The following TTC28 variants were observed in gnomAD, a reference collection of about 807,000 sequenced individuals.
TTC28 encodes tetratricopeptide repeat protein 28.
In TTC28, 61 loss-of-function variants were observed where a neutral mutation model predicts 198.0. The ratio of observed to expected loss-of-function variants is 0.31; its 90% confidence interval spans 0.25 to 0.38. The LOEUF (loss-of-function observed/expected upper bound fraction) is 0.38. Ranked by LOEUF, TTC28 falls within the 10% of genes least tolerant of loss-of-function variation. The probability of loss-of-function intolerance (pLI) is 1.00; values close to 1 mark genes in which losing one functional copy is unlikely to be tolerated. For synonymous variants in TTC28, 1,171 were observed against 1,297.8 expected, an observed-to-expected ratio of 0.90 and a Z score of 2.10; for missense variants, 2,678 against 3,164.0, an observed-to-expected ratio of 0.85 and a Z score of 3.69.
At chr22:28,172,533 T>C (rs2147085486) in intron 5 of TTC28, among the ~76,000 whole-genome samples, 1 of 152,326 alleles carries the variant, frequency 6.6e-6, no homozygotes, top group Middle Eastern at 3.4e-3. Flanking sequence ...TTCTGGTTCT[T>C]CATTTCTCTA....
At chr22:28,424,443 T>C (rs1273462872) in intron 2 of TTC28, among the ~76,000 whole-genome samples, 4 of 152,202 alleles carry the variant, frequency 2.6e-5, no homozygotes, top group Non-Finnish European at 5.9e-5. Flanking sequence ...ATTAGAATAC[T>C]TGGAACATTG....
Position 28,459,607 on chromosome 22 carries a change from A to G in TTC28, c.382-152964T>C, listed in dbSNP as rs560301436. 1.2e-4 allele frequency among the ~76,000 whole-genome samples: 19 copies of G among 152,290 alleles called. 1 individual carries two copies. The highest frequency in any genetic ancestry group is 3.9e-4 in the East Asian group (2 of 5,178). ...AGTTCTTAATTTTCGCAGAAAGCATATATCAGCAGTCTGCTTTCTTTCTTG... is the reference window on the plus strand; with the variant it reads ...AGTTCTTAATTTTCGCAGAAAGCATGTATCAGCAGTCTGCTTTCTTTCTTG... On this transcript the variant is annotated intron_variant, in intron 2 of 22. Transcript: ENST00000397906.
Position 28,107,379 on chromosome 22 carries a change from A to T in TTC28, c.2466T>A (p.Asp822Glu), listed in dbSNP as rs1172264413. 1 of 1,551,652 alleles carries T rather than the reference A, an allele frequency of 6.4e-7. No homozygotes were observed. The highest frequency in any genetic ancestry group is 8.7e-7 in the Non-Finnish European group (1 of 1,147,026). ...MAFKCYEEQL[D>E]LGQKLKDPSL... ...TCGGATCCTTCAGCTTTTGCCCTAG[A>T]TCCAGTTGCTCTTCATAACACTTGA... is the stretch of plus-strand genomic sequence containing the variant. The change falls in exon 7 of 23, where the codon GAT becomes GAA. Residue 822 changes from aspartate to glutamate, a missense_variant. Coordinates refer to ENST00000397906, the MANE Select transcript of TTC28 (RefSeq NM_001145418.2).
At chr22:28,263,439 TAGC>T (rs1239283117) in intron 5 of TTC28, among the ~76,000 whole-genome samples, 3 of 152,060 alleles carry the variant, frequency 2.0e-5, no homozygotes, top group African/African-American at 7.2e-5. Context: ...CAAAAAGGAA[TAGC>T]AGGCAAAAAA....
intron 5 of TTC28, among the ~76,000 whole-genome samples, chr22:28,256,421 C>CA (rs60958364): frequency 0.12 from 8,014 of 65,194 alleles, 308 homozygotes; most frequent in Middle Eastern, 0.2. Flanking sequence ...AACTCCGTCT[C>CA]AAAAAAAAAA....
chr22:28,121,639 A>C (rs1271383539), intron 6 of TTC28, among the ~76,000 whole-genome samples: 1 of 152,234 alleles, frequency 6.6e-6, no homozygotes, highest in African/African-American at 2.4e-5. Context: ...TGTTATGAAA[A>C]TACTAAATTA....
chr22:28,596,469 T>A (rs2050545481), intron 2 of TTC28, among the ~76,000 whole-genome samples: 2 of 152,238 alleles, frequency 1.3e-5, no homozygotes, highest in East Asian at 3.8e-4. Flanking sequence ...TGAATTGCTG[T>A]ATTTGCCTAG....
intron 2 of TTC28, among the ~76,000 whole-genome samples, chr22:28,576,719 A>G (rs2050156650): frequency 1.3e-5 from 2 of 152,080 alleles, no homozygotes; most frequent in South Asian, 4.1e-4. Context: ...TTGGTAGGCT[A>G]TATGTGTCTA....
chr22:28,162,205 C>A lies in TTC28; in HGVS notation c.1441+887G>T, dbSNP rs184167748. Among the ~76,000 whole-genome samples the A allele has an allele frequency of 1.3e-4, 20 of 152,250 alleles. No homozygotes were observed. The East Asian group carries it at 3.1e-3, about 24-fold the overall frequency. On this transcript the variant is annotated intron_variant, in intron 6 of 22. Coordinates refer to ENST00000397906, the MANE Select transcript of TTC28 (RefSeq NM_001145418.2). ...TCTTACCACTACATATAAATTCCCC[C>A]AAATTATGAATGTTTTAATTGTAAC...
intron 2 of TTC28, among the ~76,000 whole-genome samples, chr22:28,471,940 G>A (rs1471285635): frequency 6.6e-6 from 1 of 152,130 alleles, no homozygotes; most frequent in East Asian, 1.9e-4. Context: ...ATATCTTTGA[G>A]TCTCTGGAGT....
intron 2 of TTC28, among the ~76,000 whole-genome samples, chr22:28,384,489 C>G (rs1292004622): frequency 6.6e-6 from 1 of 152,198 alleles, no homozygotes; most frequent in African/African-American, 2.4e-5. Flanking sequence ...TTGTCCCATA[C>G]TAGAACATAA....
At chr22:28,658,992 G>C (rs1299266412) in intron 1 of TTC28, among the ~76,000 whole-genome samples, 18 of 151,908 alleles carry the variant, frequency 1.2e-4, no homozygotes, top group Non-Finnish European at 2.1e-4. Flanking sequence ...GTGAGATTCT[G>C]TCTCAAAAAA....
At chr22:28,228,906 C>T (rs914105918) in intron 5 of TTC28, among the ~76,000 whole-genome samples, 4 of 152,144 alleles carry the variant, frequency 2.6e-5, no homozygotes, top group African/African-American at 9.7e-5. Flanking sequence ...CCTGTAATCC[C>T]ACCATTTTGG....
intron 2 of TTC28, among the ~76,000 whole-genome samples, chr22:28,324,059 C>A (rs2045487567): frequency 6.6e-6 from 1 of 152,058 alleles, no homozygotes; most frequent in Non-Finnish European, 1.5e-5. Flanking sequence ...CCTTCCCAGA[C>A]AAACAAAACC....
chr22:28,092,750 T>G (rs1448782779), intron 12 of TTC28, among the ~76,000 whole-genome samples: 1 of 152,186 alleles, frequency 6.6e-6, no homozygotes, highest in East Asian at 1.9e-4. Context: ...CAGTGTTACT[T>G]CCAAGTTCTT....
chr22:28,645,356 C>T (rs1430917501), intron 1 of TTC28, among the ~76,000 whole-genome samples: 5 of 152,098 alleles, frequency 3.3e-5, no homozygotes, highest in East Asian at 3.9e-4. Context: ...CAGGCCGGCG[C>T]GGTAGCTCAT....
At chr22:28,551,349 G>A (rs1191536648) in intron 2 of TTC28, among the ~76,000 whole-genome samples, 1 of 152,100 alleles carries the variant, frequency 6.6e-6, no homozygotes, top group African/African-American at 2.4e-5. Context: ...AAAAGATAGA[G>A]AAAGAGGGAA....
chr22:28,529,358 G>A (rs543238061), intron 2 of TTC28, among the ~76,000 whole-genome samples: 2 of 152,202 alleles, frequency 1.3e-5, no homozygotes, highest in Admixed American at 1.3e-4. Context: ...GAGGCTGGGG[G>A]ACGGGCGCCC....
intron 2 of TTC28, among the ~76,000 whole-genome samples, chr22:28,406,811 T>A (rs570030978): frequency 1.3e-5 from 2 of 152,170 alleles, no homozygotes; most frequent in South Asian, 2.1e-4. Flanking sequence ...TCATATGGAG[T>A]TCCTCTCTAT....
Sources: allele counts gnomAD v4.1 joint callset (sites outside exome capture counted in the v4.1 genomes callset), GRCh38; gene constraint gnomAD v4.1.1; transcripts MANE v1.5; gene names NCBI Gene and HGNC (gene_info 2026-07-23, HGNC 2026-07-21).